The following RPS6KC1 variants were observed in gnomAD, a reference collection of about 807,000 sequenced individuals.
The protein encoded by RPS6KC1 is ribosomal protein S6 kinase C1.
In RPS6KC1, 54 loss-of-function variants were observed where a neutral mutation model predicts 103.8. The observed-to-expected ratio is 0.52, with a 90% CI of 0.42 to 0.65. The LOEUF (loss-of-function observed/expected upper bound fraction) is 0.65, where lower values mean the gene tolerates loss of function less well. Ranked by LOEUF, RPS6KC1 falls within the 30% of genes least tolerant of loss-of-function variation. The pLI is 0.00. For missense variants in RPS6KC1, 1,151 were observed against 1,253.8 expected (o/e 0.92, Z 1.24); for synonymous variants, 439 against 438.7 (o/e 1.00, Z -0.01).
intron 5 of RPS6KC1, 58 bp downstream of exon 5, chr1:213,117,468 C>T (rs1383130837): frequency 2.2e-6 from 2 of 928,554 alleles, no homozygotes; most frequent in South Asian, 1.5e-5. Context: ...GACTATAAAT[C>T]ATATCTGCAT....
At chr1:213,675,069 T>A in the RPS6KC1 span, among the ~76,000 whole-genome samples, 1 of 152,206 alleles carries the variant, frequency 6.6e-6, no homozygotes, top group Admixed American at 6.5e-5. Flanking sequence ...TTGCAAATAT[T>A]TTCTCTCATT....
chr1:213,736,251 A>G, the RPS6KC1 span, among the ~76,000 whole-genome samples: 1 of 152,202 alleles, frequency 6.6e-6, no homozygotes, highest in East Asian at 1.9e-4. Context: ...AGGGTCCTCT[A>G]GTCAGGGTCC....
At chr1:213,830,832 A>G in the RPS6KC1 span, among the ~76,000 whole-genome samples, 5 of 152,174 alleles carry the variant, frequency 3.3e-5, no homozygotes, top group Non-Finnish European at 7.3e-5. Context: ...TCAGAAAGCC[A>G]GGGGAGTAGG....
the RPS6KC1 span, among the ~76,000 whole-genome samples, chr1:213,813,884 C>T: frequency 6.6e-6 from 1 of 152,194 alleles, no homozygotes; most frequent in African/African-American, 2.4e-5. Context: ...TAGCACTTCT[C>T]ACCTTGAAGT....
the RPS6KC1 span, among the ~76,000 whole-genome samples, chr1:213,386,697 A>G: frequency 6.6e-6 from 1 of 152,146 alleles, no homozygotes; most frequent in Non-Finnish European, 1.5e-5. Context: ...GATGCAGCAA[A>G]GTCAACTCCC....
chr1:213,402,486 TC>T, the RPS6KC1 span, among the ~76,000 whole-genome samples: 2 of 149,180 alleles, frequency 1.3e-5, no homozygotes, highest in African/African-American at 4.9e-5. Flanking sequence ...TCCCATTGAA[TC>T]CTGATGATAT....
chr1:213,166,714 C>T (rs561749745), intron 6 of RPS6KC1, among the ~76,000 whole-genome samples: 7 of 152,198 alleles, frequency 4.6e-5, no homozygotes, highest in South Asian at 2.1e-4. Context: ...AGTTATTTAG[C>T]GAAATTGCAA....
the RPS6KC1 span, among the ~76,000 whole-genome samples, chr1:213,736,690 G>T: frequency 6.6e-6 from 1 of 152,122 alleles, no homozygotes; most frequent in Non-Finnish European, 1.5e-5. Context: ...ACCTTACTGG[G>T]ATTCTCTCCC....
At chr1:213,353,171 C>T in the RPS6KC1 span, among the ~76,000 whole-genome samples, 2 of 152,178 alleles carry the variant, frequency 1.3e-5, no homozygotes, top group Non-Finnish European at 2.9e-5. Context: ...CTTGTTTTCC[C>T]CAGCAGGGTC....
At chr1:213,556,251 G>C in the RPS6KC1 span, among the ~76,000 whole-genome samples, 7 of 152,154 alleles carry the variant, frequency 4.6e-5, no homozygotes, top group Non-Finnish European at 1.0e-4. Context: ...ATTGGAAGGG[G>C]AGGCAGACTG....
At chr1:213,774,784 C>G in the RPS6KC1 span, among the ~76,000 whole-genome samples, 1 of 152,136 alleles carries the variant, frequency 6.6e-6, no homozygotes, top group African/African-American at 2.4e-5. Context: ...AAACCTGTCC[C>G]AATGTTACTA....
At chr1:213,732,722 G>A in the RPS6KC1 span, among the ~76,000 whole-genome samples, 1 of 152,088 alleles carries the variant, frequency 6.6e-6, no homozygotes, top group African/African-American at 2.4e-5. Context: ...TCAAATACTG[G>A]TTCTGCCACA....
At chr1:213,238,638 T>C (rs1484059549) in intron 10 of RPS6KC1, among the ~76,000 whole-genome samples, 1 of 152,228 alleles carries the variant, frequency 6.6e-6, no homozygotes, top group Non-Finnish European at 1.5e-5. Flanking sequence ...CATTGAATTT[T>C]AGATTTCAGT....
At chr1:213,803,240 CTTTTTTTTTTTTTT>C in the RPS6KC1 span, among the ~76,000 whole-genome samples, 2 of 101,416 alleles carry the variant, frequency 2.0e-5, no homozygotes, top group African/African-American at 3.8e-5. Flanking sequence ...AAGGCAGTGG[CTTTTTTTTTTTTTT>C]TTTTTTTTTT....
In RPS6KC1 at chr1:213,125,500, AAAG is replaced by A. The variant is rs879711610; in HGVS notation, c.473-4023_473-4021del. Among the ~76,000 whole-genome samples, 95 of 152,098 alleles carry A rather than the reference AAAG, an allele frequency of 6.2e-4. 1 individual carries two copies. Among genetic ancestry groups the A allele is most frequent in the African/African-American group, 2.0e-3 (81 of 41,514 alleles). On this transcript the variant is annotated intron_variant, in intron 5 of 14. Transcript: ENST00000366960. ...GTATAAATTGCTGAATTTCTGGGTG[AAAG>A]AAGCAATTTTGCGCTTTTGATATGC...
the RPS6KC1 span, among the ~76,000 whole-genome samples, chr1:213,571,969 C>A: frequency 8.5e-5 from 13 of 152,332 alleles, no homozygotes; most frequent in Non-Finnish European, 1.8e-4. Context: ...CTCTTAGATT[C>A]ACACGGCCTT....
chr1:213,413,983 G>C, the RPS6KC1 span, among the ~76,000 whole-genome samples: 1 of 152,208 alleles, frequency 6.6e-6, no homozygotes, highest in Admixed American at 6.5e-5. Context: ...AAGCCAGGAG[G>C]TCTGTCTGTC....
chr1:213,109,684 T>C (rs2082831881), intron 4 of RPS6KC1, among the ~76,000 whole-genome samples: 1 of 152,238 alleles, frequency 6.6e-6, no homozygotes, highest in Non-Finnish European at 1.5e-5. Flanking sequence ...ATTTTGTTTA[T>C]CTACAGTGTG....
At chr1:213,414,297 A>G in the RPS6KC1 span, among the ~76,000 whole-genome samples, 26 of 152,356 alleles carry the variant, frequency 1.7e-4, no homozygotes, top group South Asian at 5.4e-3. Context: ...CTCAAAATTC[A>G]TGTGCACCTG....
Sources: gnomAD v4.1 joint callset for allele counts (sites outside exome capture counted in the v4.1 genomes callset) on GRCh38, gnomAD v4.1.1 for gene constraint, MANE v1.5 for transcripts, NCBI Gene and HGNC (gene_info 2026-07-23, HGNC 2026-07-21) for gene names.